Variants in CTNND2 observed in about 807,000 individuals in gnomAD.
CTNND2 encodes catenin delta 2.
CTNND2 carries 22 observed loss-of-function variants against 144.4 expected under a neutral mutation model. That is an observed-to-expected ratio of 0.15 (90% confidence interval 0.11 to 0.22). The LOEUF is 0.22. Ranked by LOEUF, CTNND2 falls within the 10% of genes least tolerant of loss-of-function variation. The probability of loss-of-function intolerance (pLI) is 1.00; values close to 1 mark genes in which losing one functional copy is unlikely to be tolerated. For synonymous variants in CTNND2, 751 were observed against 695.6 expected (o/e 1.08, Z -1.25); for missense variants, 1,353 against 1,618.8 (o/e 0.84, Z 2.82).
At chr5:11,471,816 T>C (rs1383278760) in intron 3 of CTNND2, among the ~76,000 whole-genome samples, 2 of 152,202 alleles carry the variant, frequency 1.3e-5, no homozygotes, top group Admixed American at 6.5e-5. Flanking sequence ...TCCAGAAGAA[T>C]AGGAATTAGG....
chr5:11,497,519 T>TGGG (rs1234235644), intron 3 of CTNND2, among the ~76,000 whole-genome samples: 5 of 13,758 alleles, frequency 3.6e-4, no homozygotes, highest in Admixed American at 9.5e-4. Flanking sequence ...TGCGGGGGGG[T>TGGG]GGGGGGGGGC....
At chr5:11,520,675 G>T (rs961846376) in intron 3 of CTNND2, among the ~76,000 whole-genome samples, 2 of 152,166 alleles carry the variant, frequency 1.3e-5, no homozygotes, top group Non-Finnish European at 2.9e-5. Context: ...GCCTTGAATT[G>T]TGGCCCTCAT....
At chr5:11,306,788 C>T (rs562010308) in intron 9 of CTNND2, among the ~76,000 whole-genome samples, 2 of 152,260 alleles carry the variant, frequency 1.3e-5, no homozygotes, top group African/African-American at 2.4e-5. Flanking sequence ...GCTTGCACTG[C>T]GTCCAAATGA....
chr5:11,331,438 A>G (rs1753132070), intron 9 of CTNND2, among the ~76,000 whole-genome samples: 1 of 152,220 alleles, frequency 6.6e-6, no homozygotes, highest in Non-Finnish European at 1.5e-5. Context: ...TATTAATAGA[A>G]TTATGTGGTA....
rs551118982 is a variant in CTNND2 at position 11,332,347 on chromosome 5, A to C, written c.1628+14025T>G. Among the ~76,000 whole-genome samples, 4 of 151,346 alleles carry C rather than the reference A, an allele frequency of 2.6e-5. No homozygotes were observed. The South Asian group carries it at 8.4e-4, about 32-fold the overall frequency. On this transcript the variant is annotated intron_variant, in intron 9 of 21. Transcript: ENST00000304623. ...TGGGAGGCACTGTTTTGAAAGGATC[A>C]GGATCCATGAGGCCTGGGTGCTGCC...
chr5:11,586,401 A>G (rs1778864884), intron 2 of CTNND2, among the ~76,000 whole-genome samples: 1 of 152,226 alleles, frequency 6.6e-6, no homozygotes, highest in Non-Finnish European at 1.5e-5. Flanking sequence ...GAACAGAGGA[A>G]TGACTCAAAA....
intron 9 of CTNND2, among the ~76,000 whole-genome samples, chr5:11,273,081 A>T (rs1013378789): frequency 3.3e-5 from 5 of 152,168 alleles, no homozygotes; most frequent in Non-Finnish European, 7.3e-5. Context: ...ATTGTTTTTG[A>T]ATTTCATTAA....
At chr5:11,269,254 G>C (rs565822657) in intron 9 of CTNND2, among the ~76,000 whole-genome samples, 3 of 152,332 alleles carry the variant, frequency 2.0e-5, no homozygotes, top group Admixed American at 1.3e-4. Context: ...CTTACCCCAA[G>C]CTAGTGATAC....
chr5:11,395,731 G>C (rs1221161407), intron 6 of CTNND2, among the ~76,000 whole-genome samples: 1 of 152,248 alleles, frequency 6.6e-6, no homozygotes, highest in African/African-American at 2.4e-5. Context: ...CAAGGATGTT[G>C]CTTGAAGAAG....
chr5:11,626,453 A>T (rs1581629179), intron 2 of CTNND2, among the ~76,000 whole-genome samples: 2 of 152,356 alleles, frequency 1.3e-5, no homozygotes, highest in South Asian at 4.1e-4. Context: ...GATTCTATGA[A>T]ACACTATCAT....
intron 16 of CTNND2, among the ~76,000 whole-genome samples, chr5:11,055,333 C>T (rs760834466): frequency 2.0e-5 from 3 of 152,166 alleles, no homozygotes; most frequent in African/African-American, 7.2e-5. Flanking sequence ...TGCCATAAGT[C>T]CCCTCTGAGG....
At chr5:11,560,992 A>G (rs966258806) in intron 3 of CTNND2, among the ~76,000 whole-genome samples, 6 of 152,214 alleles carry the variant, frequency 3.9e-5, no homozygotes, top group African/African-American at 1.4e-4. Flanking sequence ...TGACAAGGGC[A>G]GGTACTCAGG....
chr5:11,607,117 C>A (rs2126360285), intron 2 of CTNND2, among the ~76,000 whole-genome samples: 1 of 152,284 alleles, frequency 6.6e-6, no homozygotes, highest in African/African-American at 2.4e-5. Context: ...AGACTTCCAG[C>A]AAACCAGCAG....
intron 1 of CTNND2, among the ~76,000 whole-genome samples, chr5:11,818,114 C>T (rs555995929): frequency 8.1e-5 from 12 of 148,270 alleles, no homozygotes; most frequent in African/African-American, 2.5e-4. Context: ...TACGACAGTG[C>T]GGAAATCAAT....
intron 2 of CTNND2, among the ~76,000 whole-genome samples, chr5:11,660,252 G>A (rs1234958698): frequency 6.6e-6 from 1 of 152,084 alleles, no homozygotes; most frequent in African/African-American, 2.4e-5. Context: ...GAAATTTAAT[G>A]AAAGAATAGG....
chr5:11,739,233 C>G (rs1193176737), intron 1 of CTNND2, among the ~76,000 whole-genome samples: 1 of 152,024 alleles, frequency 6.6e-6, no homozygotes, highest in Non-Finnish European at 1.5e-5. Context: ...GCAGCTGAAT[C>G]CAGGCAGGAG....
At chr5:11,277,284 G>A (rs1171156927) in intron 9 of CTNND2, among the ~76,000 whole-genome samples, 1 of 151,556 alleles carries the variant, frequency 6.6e-6, no homozygotes, top group East Asian at 1.9e-4. Context: ...CTTTTACTGA[G>A]AACAACAGAA....
intron 14 of CTNND2, among the ~76,000 whole-genome samples, chr5:11,103,656 C>T (rs902200157): frequency 2.0e-5 from 3 of 150,718 alleles, no homozygotes; most frequent in African/African-American, 4.9e-5. Context: ...TGTGACAGAG[C>T]AAGACTGTCT....
At chr5:11,376,097 A>G (rs1470717947) in intron 7 of CTNND2, among the ~76,000 whole-genome samples, 4 of 152,012 alleles carry the variant, frequency 2.6e-5, no homozygotes, top group Non-Finnish European at 5.9e-5. Context: ...CGAAAAGTGG[A>G]CCCTCATGGG....
Sources: allele counts gnomAD v4.1 joint callset (sites outside exome capture counted in the v4.1 genomes callset), GRCh38; gene constraint gnomAD v4.1.1; transcripts MANE v1.5; gene names NCBI Gene and HGNC (gene_info 2026-07-23, HGNC 2026-07-21).